STK38L: variants seen among roughly 807,000 people sequenced by gnomAD.
STK38L encodes the protein serine/threonine kinase 38 like, also known as serine/threonine-protein kinase 38-like.
Under a neutral mutation model 59.7 loss-of-function variants are expected in STK38L, and 28 were observed. The ratio of observed to expected loss-of-function variants is 0.47; its 90% confidence interval spans 0.35 to 0.64. The LOEUF (loss-of-function observed/expected upper bound fraction) is 0.64. STK38L is among the 30% of genes least tolerant of loss of function. The pLI is 0.01. For missense variants in STK38L, 314 were observed against 555.8 expected, an observed-to-expected ratio of 0.56 and a Z score of 4.37; for synonymous variants, 162 against 176.8, an observed-to-expected ratio of 0.92 and a Z score of 0.66.
intron 12 of STK38L, among the ~76,000 whole-genome samples, chr12:27,321,241 ATAT>A (rs1944721135): frequency 6.6e-6 from 1 of 152,242 alleles, no homozygotes; most frequent in Non-Finnish European, 1.5e-5. Flanking sequence ...AATCCAATAA[ATAT>A]TTGTTGAAAA....
intron 5 of STK38L, among the ~76,000 whole-genome samples, chr12:27,312,072 G>A (rs575944346): frequency 6.6e-6 from 1 of 152,142 alleles, no homozygotes; most frequent in East Asian, 1.9e-4. Flanking sequence ...GTAGAGACGG[G>A]GTTTCACCGT....
intron 1 of STK38L, among the ~76,000 whole-genome samples, chr12:27,268,287 G>A (rs1403995143): frequency 1.3e-5 from 2 of 150,470 alleles, no homozygotes; most frequent in Admixed American, 6.6e-5. Flanking sequence ...CCCCACAACA[G>A]GCCCCAGTGT....
At chr12:27,252,586 A>G (rs1313860319) in intron 1 of STK38L, among the ~76,000 whole-genome samples, 1 of 152,226 alleles carries the variant, frequency 6.6e-6, no homozygotes, top group African/African-American at 2.4e-5. Context: ...TTATTGTAGT[A>G]CTAGGGAGTT....
At chr12:27,258,328 T>TTG (rs1213863838) in intron 1 of STK38L, among the ~76,000 whole-genome samples, 7 of 152,152 alleles carry the variant, frequency 4.6e-5, no homozygotes, top group South Asian at 4.1e-4. Flanking sequence ...AGTTGCCTTT[T>TTG]TGTGTGTGTG....
intron 5 of STK38L, among the ~76,000 whole-genome samples, chr12:27,310,212 A>G (rs1294453609): frequency 2.6e-5 from 4 of 152,178 alleles, no homozygotes; most frequent in African/African-American, 7.2e-5. Context: ...ATGACAGGCT[A>G]TGATTCCCCA....
rs142601302 is a variant in STK38L at position 27,293,996 on chromosome 12, CAG to C, written c.-11-3712_-11-3711del. Among the ~76,000 whole-genome samples the C allele has an allele frequency of 8.3e-3, 1,266 of 152,276 alleles. 19 individuals carry two copies. Among genetic ancestry groups the C allele is most frequent in the Middle Eastern group, 0.027 (8 of 294 alleles). ...TTGCTAGAACAAATACAAGGCAAGT[CAG>C]AAATCATTCTACAATCGTAGGGTGT... On this transcript the variant is annotated intron_variant, in intron 1 of 13. Transcript: ENST00000389032.
intron 2 of STK38L, among the ~76,000 whole-genome samples, chr12:27,300,104 TAAAGG>T (rs1050180160): frequency 1.2e-3 from 182 of 152,070 alleles, no homozygotes; most frequent in African/African-American, 4.1e-3. Flanking sequence ...TTTTTCCAAA[TAAAGG>T]AAAGTAACAA....
chr12:27,288,263 C>T (rs548189950), intron 1 of STK38L, among the ~76,000 whole-genome samples: 1 of 152,234 alleles, frequency 6.6e-6, no homozygotes, highest in East Asian at 1.9e-4. Flanking sequence ...TTTTCCATTT[C>T]TAAATTTATG....
Position 27,322,363 on chromosome 12 carries a change from G to A in STK38L, c.1303G>A (p.Asp435Asn). 2 of 1,613,986 alleles carry A rather than the reference G, an allele frequency of 1.2e-6. No homozygotes were observed. The highest frequency in any genetic ancestry group is 1.7e-6 in the Non-Finnish European group (2 of 1,179,940). Reference sequence around the variant, plus strand: ...CACAGAACCGGACTACAAATCCAAAGACTGGGTTTTTCTCAATTATACCTA... The same window carrying A: ...CACAGAACCGGACTACAAATCCAAAAACTGGGTTTTTCTCAATTATACCTA... ...NTTEPDYKSKDWVFLNYTYKR... is the reference protein window; with the variant it reads ...NTTEPDYKSKNWVFLNYTYKR... The change falls in exon 14 of 14, where the codon GAC (aspartate) becomes AAC (asparagine). Residue 435 changes from aspartate to asparagine, a missense_variant. Asp to Asn is a conservative substitution (Grantham distance 23, BLOSUM62 1). Coordinates refer to ENST00000389032, the MANE Select transcript of STK38L (RefSeq NM_015000.4).
In STK38L at chr12:27,287,251, G is replaced by A. The variant is rs148336572; in HGVS notation, c.-11-10459G>A. ...CTCCTGAGTAGCTAGGACTACAGGC[G>A]CATGCCTCATGCCTGGCTAATTTTT... On this transcript the variant is annotated intron_variant, in intron 1 of 13. Coordinates refer to ENST00000389032, the MANE Select transcript of STK38L (RefSeq NM_015000.4). Among the ~76,000 whole-genome samples, 775 of 152,068 alleles carry A rather than the reference G, an allele frequency of 5.1e-3. 7 individuals carry two copies. The highest frequency in any genetic ancestry group is 9.1e-3 in the Non-Finnish European group (618 of 67,980).
At chr12:27,291,722 AT>A (rs1429235472) in intron 1 of STK38L, among the ~76,000 whole-genome samples, 1 of 152,212 alleles carries the variant, frequency 6.6e-6, no homozygotes, top group Non-Finnish European at 1.5e-5. Context: ...CTGAGGACTT[AT>A]TGTAGCCTAG....
chr12:27,297,740 C>A lies in STK38L; in HGVS notation c.20C>A (p.Thr7Asn). 1.2e-6 allele frequency: 2 copies of A among 1,613,816 alleles called. No homozygotes were observed. Among genetic ancestry groups the A allele is most frequent in the Non-Finnish European group, 1.7e-6 (2 of 1,179,848 alleles). The change falls in exon 2 of 14, where the codon ACT (threonine) becomes AAT (asparagine). Residue 7 changes from threonine to asparagine, a missense_variant. Coordinates refer to ENST00000389032, the MANE Select transcript of STK38L (RefSeq NM_015000.4). ...GTTACTATGGCAATGACGGCAGGGA[C>A]TACAACAACCTTTCCTATGAGCAAC... MAMTAG[T>N]TTTFPMSNHT...
At chr12:27,267,123 A>G (rs1332008079) in intron 1 of STK38L, among the ~76,000 whole-genome samples, 1 of 152,174 alleles carries the variant, frequency 6.6e-6, no homozygotes, top group African/African-American at 2.4e-5. Context: ...AAATCTATAC[A>G]TTGTTTCAGT....
At chr12:27,320,293 G>T (rs61915945) in intron 12 of STK38L, among the ~76,000 whole-genome samples, 10,491 of 152,004 alleles carry the variant, frequency 0.069, 483 homozygotes, top group Non-Finnish European at 0.1. Flanking sequence ...TTGAGACAGG[G>T]TCTCACTCTG....
At chr12:27,244,984 G>C (rs1453886842) in intron 1 of STK38L, among the ~76,000 whole-genome samples, 1 of 152,114 alleles carries the variant, frequency 6.6e-6, no homozygotes, top group East Asian at 1.9e-4. Context: ...ATTTGGTGTG[G>C]GAGTAGAAAA....
At chr12:27,246,960 A>G (rs1421908841) in intron 1 of STK38L, among the ~76,000 whole-genome samples, 1 of 152,218 alleles carries the variant, frequency 6.6e-6, no homozygotes, top group Non-Finnish European at 1.5e-5. Flanking sequence ...TGGGAGAGAA[A>G]TATACCTACC....
At chr12:27,290,335 T>C (rs1332643128) in intron 1 of STK38L, among the ~76,000 whole-genome samples, 1 of 152,230 alleles carries the variant, frequency 6.6e-6, no homozygotes, top group Non-Finnish European at 1.5e-5. Flanking sequence ...CAATCTGGCC[T>C]TTCATCCTGT....
intron 2 of STK38L, among the ~76,000 whole-genome samples, chr12:27,300,929 G>T (rs775088248): frequency 2.0e-5 from 3 of 152,084 alleles, no homozygotes; most frequent in Non-Finnish European, 4.4e-5. Context: ...GTTGTGGGAG[G>T]GTTTCAATCC....
intron 3 of STK38L, among the ~76,000 whole-genome samples, chr12:27,304,710 T>C (rs570859899): frequency 6.6e-6 from 1 of 152,190 alleles, no homozygotes; most frequent in South Asian, 2.1e-4. Context: ...TATATTGATA[T>C]AGAAATCTTA....
Sources: allele counts gnomAD v4.1 joint callset (sites outside exome capture counted in the v4.1 genomes callset), GRCh38; gene constraint gnomAD v4.1.1; transcripts MANE v1.5; gene names NCBI Gene and HGNC (gene_info 2026-07-23, HGNC 2026-07-21).